The following ZFAT variants were observed in gnomAD, a reference collection of about 807,000 sequenced individuals.
ZFAT encodes the protein zinc finger and AT-hook domain containing.
In ZFAT, 64 loss-of-function variants were observed where a neutral mutation model predicts 117.7. The observed-to-expected ratio is 0.54, with a 90% CI of 0.44 to 0.67. The LOEUF is 0.67. ZFAT is among the 30% of genes least tolerant of loss of function. The probability of loss-of-function intolerance (pLI) is 0.00; values close to 1 mark genes in which losing one functional copy is unlikely to be tolerated. For synonymous variants in ZFAT, 679 were observed against 615.0 expected (o/e 1.10, Z -1.54); for missense variants, 1,433 against 1,584.5 (o/e 0.90, Z 1.62).
At chr8:134,779,200 G>T in the ZFAT span, among the ~76,000 whole-genome samples, 1 of 152,030 alleles carries the variant, frequency 6.6e-6, no homozygotes. Flanking sequence ...CTCATTCCCC[G>T]CAGGACAGTG....
At chr8:134,515,399 C>T (rs980074184) in intron 13 of ZFAT, among the ~76,000 whole-genome samples, 7 of 152,194 alleles carry the variant, frequency 4.6e-5, no homozygotes, top group Non-Finnish European at 7.3e-5. Flanking sequence ...TCTTCCACGA[C>T]GGGCAAACTA....
intron 11 of ZFAT, among the ~76,000 whole-genome samples, chr8:134,557,247 A>C (rs6578238): frequency 0.35 from 53,694 of 152,024 alleles, 9,797 homozygotes; most frequent in East Asian, 0.67. Flanking sequence ...CAGCAAATCC[A>C]AACTGAGGGA....
At chr8:134,561,014 A>G (rs1824008546) in intron 11 of ZFAT, among the ~76,000 whole-genome samples, 2 of 152,264 alleles carry the variant, frequency 1.3e-5, no homozygotes, top group Admixed American at 6.5e-5. Context: ...AAGAGAAAAT[A>G]ACATCTTTAC....
At chr8:134,553,196 G>GT (rs1823312643) in intron 11 of ZFAT, among the ~76,000 whole-genome samples, 1 of 152,190 alleles carries the variant, frequency 6.6e-6, no homozygotes, top group Non-Finnish European at 1.5e-5. Context: ...AGAACTCTGG[G>GT]TGGGAGACAT....
At chr8:134,526,949 C>T (rs762082695) in intron 12 of ZFAT, among the ~76,000 whole-genome samples, 3 of 152,098 alleles carry the variant, frequency 2.0e-5, no homozygotes, top group Non-Finnish European at 4.4e-5. Context: ...CAGCCACATC[C>T]TAATCCCCAG....
chr8:134,697,272 C>G (rs1403626765), intron 1 of ZFAT, among the ~76,000 whole-genome samples: 1 of 152,006 alleles, frequency 6.6e-6, no homozygotes, highest in Non-Finnish European at 1.5e-5. Context: ...CGCCACCATG[C>G]CCAGCTAATT....
intron 2 of ZFAT, among the ~76,000 whole-genome samples, chr8:134,645,325 C>A (rs1171958909): frequency 5.3e-5 from 8 of 152,162 alleles, no homozygotes; most frequent in Admixed American, 2.6e-4. Context: ...TAAGCCTCTA[C>A]AAGCCTCAAA....
chr8:134,685,015 C>A (rs558294662), intron 1 of ZFAT, among the ~76,000 whole-genome samples: 36 of 152,284 alleles, frequency 2.4e-4, no homozygotes, highest in African/African-American at 8.2e-4. Flanking sequence ...CAAAGTGGCA[C>A]CCCCACCCTC....
chr8:134,598,738 A>C (rs1250328324), intron 7 of ZFAT: 1 of 152,262 alleles, frequency 6.6e-6, no homozygotes. Context: ...CCAGAGCAGC[A>C]AGTTCCAAAA....
chr8:134,550,310 G>GAAAACAAAAAAAAA (rs1823038083), intron 11 of ZFAT, among the ~76,000 whole-genome samples: 1 of 72,534 alleles, frequency 1.4e-5, no homozygotes, highest in Non-Finnish European at 2.6e-5. Flanking sequence ...GGTCACAACG[G>GAAAACAAAAAAAAA]AAAAAAAAAA....
At chr8:134,754,637 A>G in the ZFAT span, among the ~76,000 whole-genome samples, 1 of 152,220 alleles carries the variant, frequency 6.6e-6, no homozygotes, top group South Asian at 2.1e-4. Flanking sequence ...AAATAGTAGG[A>G]GGCCTCTGCT....
chr8:134,584,987 G>C (rs1825968863), intron 9 of ZFAT, among the ~76,000 whole-genome samples: 1 of 152,220 alleles, frequency 6.6e-6, no homozygotes, highest in Non-Finnish European at 1.5e-5. Context: ...ATGTGCCTTA[G>C]GGCCCACGCA....
chr8:134,535,476 T>TC (rs1563819740), intron 11 of ZFAT, among the ~76,000 whole-genome samples: 1 of 91,934 alleles, frequency 1.1e-5, no homozygotes, highest in Non-Finnish European at 2.2e-5. Flanking sequence ...GAGCTCCCTC[T>TC]CCCCCTCCCC....
intron 12 of ZFAT, among the ~76,000 whole-genome samples, chr8:134,531,082 T>C (rs1012059673): frequency 6.6e-6 from 1 of 152,194 alleles, no homozygotes; most frequent in Non-Finnish European, 1.5e-5. Flanking sequence ...AGATAAAATA[T>C]AAAACCCCGC....
chr8:134,605,065 G>A (rs2130943995), intron 5 of ZFAT, among the ~76,000 whole-genome samples: 1 of 152,294 alleles, frequency 6.6e-6, no homozygotes, highest in East Asian at 1.9e-4. Flanking sequence ...AAAGCCCTTA[G>A]TGCCCAGGTT....
chr8:134,654,823 G>C (rs1180515864), intron 2 of ZFAT, among the ~76,000 whole-genome samples: 7 of 152,226 alleles, frequency 4.6e-5, no homozygotes, highest in Non-Finnish European at 8.8e-5. Flanking sequence ...GCTAAGAGCT[G>C]AACAGCCCAA....
At chr8:134,741,577 T>A in the ZFAT span, among the ~76,000 whole-genome samples, 1 of 152,182 alleles carries the variant, frequency 6.6e-6, no homozygotes, top group Non-Finnish European at 1.5e-5. Flanking sequence ...TTCCCAGGAC[T>A]TTTTCCCATG....
chr8:134,820,846 G>A, the ZFAT span, among the ~76,000 whole-genome samples: 7 of 152,180 alleles, frequency 4.6e-5, no homozygotes, highest in Non-Finnish European at 8.8e-5. Context: ...CTAGTAATTG[G>A]TAGTATTTAT....
chr8:134,544,856 C>T (rs951055634), intron 11 of ZFAT, among the ~76,000 whole-genome samples: 1 of 152,182 alleles, frequency 6.6e-6, no homozygotes, highest in Non-Finnish European at 1.5e-5. Context: ...ATGCATGCGG[C>T]TGCAAACTGG....
Sources: allele counts gnomAD v4.1 joint callset (sites outside exome capture counted in the v4.1 genomes callset), GRCh38; gene constraint gnomAD v4.1.1; transcripts MANE v1.5; gene names NCBI Gene and HGNC (gene_info 2026-07-23, HGNC 2026-07-21).